CPAP: variants seen among roughly 807,000 people sequenced by gnomAD.
CPAP encodes centrosomal P4.1-associated protein.
chr13:24,908,081 T>C, the CPAP span: 3 of 1,613,154 alleles, frequency 1.9e-6, no homozygotes, highest in Non-Finnish European at 2.5e-6. Context: ...ATCATTTGCT[T>C]CCTGAATCTG....
chr13:24,933,714 A>G, the CPAP span, among the ~76,000 whole-genome samples: 1 of 151,794 alleles, frequency 6.6e-6, no homozygotes, highest in African/African-American at 2.4e-5. Context: ...GAAACAGTTA[A>G]GTCTAACCTC....
the CPAP span, among the ~76,000 whole-genome samples, chr13:24,892,295 T>C: frequency 0.034 from 5,173 of 152,270 alleles, 312 homozygotes; most frequent in African/African-American, 0.12. Flanking sequence ...ACCTCCTCCA[T>C]AGGAATTAGA....
the CPAP span, among the ~76,000 whole-genome samples, chr13:24,883,599 G>C: frequency 6.6e-6 from 1 of 152,216 alleles, no homozygotes; most frequent in East Asian, 1.9e-4. Flanking sequence ...AAAATGCTTA[G>C]TAACTTTTTT....
At chr13:24,884,311 C>G in the CPAP span, 1 of 1,614,104 alleles carries the variant, frequency 6.2e-7, no homozygotes, top group South Asian at 1.1e-5. Flanking sequence ...GAGAACACCT[C>G]TGGAAACATA....
the CPAP span, among the ~76,000 whole-genome samples, chr13:24,904,919 A>G: frequency 6.6e-6 from 1 of 152,354 alleles, no homozygotes; most frequent in East Asian, 1.9e-4. Flanking sequence ...AGGTGTGTAC[A>G]TGCGTTAGAA....
chr13:24,929,319 C>T, the CPAP span, among the ~76,000 whole-genome samples: 2 of 152,226 alleles, frequency 1.3e-5, no homozygotes, highest in Admixed American at 6.5e-5. Context: ...GCCTCAGCTT[C>T]CCAAAGTGTT....
the CPAP span, chr13:24,905,285 C>T: frequency 6.9e-7 from 1 of 1,455,268 alleles, no homozygotes; most frequent in Non-Finnish European, 9.6e-7. Context: ...ATTCTGACAG[C>T]ATACTGATTA....
At chr13:24,883,550 T>C in the CPAP span, among the ~76,000 whole-genome samples, 1 of 152,220 alleles carries the variant, frequency 6.6e-6, no homozygotes, top group East Asian at 1.9e-4. Context: ...GTTCCAATTA[T>C]CAGATTAGCA....
the CPAP span, among the ~76,000 whole-genome samples, chr13:24,921,929 TG>T: frequency 6.6e-6 from 1 of 152,152 alleles, no homozygotes; most frequent in Non-Finnish European, 1.5e-5. Context: ...CACCAGAACC[TG>T]CTACTTATTA....
the CPAP span, among the ~76,000 whole-genome samples, chr13:24,901,319 A>C: frequency 0.016 from 2,512 of 152,290 alleles, 64 homozygotes; most frequent in East Asian, 0.081. Context: ...CTAAATATAA[A>C]AGCATGCTCA....
the CPAP span, among the ~76,000 whole-genome samples, chr13:24,917,143 G>A: frequency 0.017 from 2,524 of 152,138 alleles, 29 homozygotes; most frequent in Non-Finnish European, 0.028. Context: ...CCAGCTACTC[G>A]GGGAGGCTGA....
At chr13:24,913,235 T>C in the CPAP span, 440 of 567,002 alleles carry the variant, frequency 7.8e-4, 1 homozygote, top group African/African-American at 7.8e-3. Context: ...AATTGGGCAT[T>C]GAGCTACATT....
the CPAP span, among the ~76,000 whole-genome samples, chr13:24,887,048 T>G: frequency 3.0e-3 from 461 of 151,848 alleles, no homozygotes; most frequent in Non-Finnish European, 4.9e-3. Context: ...CTGGGGACAG[T>G]GGAAGCTAGG....
At chr13:24,885,302 C>G in the CPAP span, 20 of 1,611,854 alleles carry the variant, frequency 1.2e-5, no homozygotes, top group African/African-American at 1.9e-4. Flanking sequence ...CTGATTTCTC[C>G]CTGTATGTCT....
the CPAP span, chr13:24,883,832 C>G: frequency 1.3e-4 from 122 of 946,980 alleles, 1 homozygote; most frequent in African/African-American, 1.7e-3. Flanking sequence ...GCCTGTGGGA[C>G]ATTCATTCAA....
chr13:24,885,383 C>G, the CPAP span: 9 of 1,604,812 alleles, frequency 5.6e-6, no homozygotes, highest in South Asian at 9.9e-5. Context: ...CTGGGAGAGG[C>G]AGCCTGTAAG....
At chr13:24,908,880 T>C in the CPAP span, among the ~76,000 whole-genome samples, 1 of 152,218 alleles carries the variant, frequency 6.6e-6, no homozygotes, top group Non-Finnish European at 1.5e-5. Context: ...GTTATACAGA[T>C]GAATGTCCTA....
At chr13:24,924,187 C>T in the CPAP span, among the ~76,000 whole-genome samples, 1 of 151,948 alleles carries the variant, frequency 6.6e-6, no homozygotes, top group Non-Finnish European at 1.5e-5. Flanking sequence ...CCGAGACTTC[C>T]GAGATCACAC....
At chr13:24,889,056 AG>A in the CPAP span, 1 of 453,384 alleles carries the variant, frequency 2.2e-6, no homozygotes, top group Non-Finnish European at 4.0e-6. Context: ...AAAAAGTTTC[AG>A]ATTTGGGATG....
Sources: allele counts gnomAD v4.1 joint callset (sites outside exome capture counted in the v4.1 genomes callset), GRCh38; gene constraint gnomAD v4.1.1; transcripts MANE v1.5; gene names NCBI Gene and HGNC (gene_info 2026-07-23, HGNC 2026-07-21).